Variants in SCN10A observed in about 807,000 individuals in gnomAD.
SCN10A encodes the protein sodium channel protein type 10 subunit alpha.
In SCN10A, 162 loss-of-function variants were observed where a neutral mutation model predicts 170.7. The ratio of observed to expected loss-of-function variants is 0.95; its 90% CI spans 0.84 to 1.08. The LOEUF (loss-of-function observed/expected upper bound fraction) is 1.08. Ranked by LOEUF, SCN10A falls within the 50% of genes least tolerant of loss-of-function variation. SCN10A has a pLI of 0.00. For missense variants in SCN10A, 2,527 were observed against 2,436.9 expected, an observed-to-expected ratio of 1.04 and a Z score of -0.78; for synonymous variants, 985 against 904.6, an observed-to-expected ratio of 1.09 and a Z score of -1.59.
intron 14 of SCN10A, among the ~76,000 whole-genome samples, chr3:38,740,261 T>C (rs926293147): frequency 3.3e-5 from 5 of 152,260 alleles, no homozygotes; most frequent in Non-Finnish European, 7.3e-5. Flanking sequence ...TTTTAGGCTC[T>C]GTGTGTCTCT....
At chr3:38,732,125 T>G (rs1244415559) in intron 15 of SCN10A, among the ~76,000 whole-genome samples, 1 of 152,190 alleles carries the variant, frequency 6.6e-6, no homozygotes, top group Non-Finnish European at 1.5e-5. Context: ...AACAACAATG[T>G]CTTGTGAGAT....
rs112604496 is a variant in SCN10A, at chr3:38,714,325, C to T, written c.3682-245G>A. Among the ~76,000 whole-genome samples the T allele has an allele frequency of 6.7e-3, 1,015 of 152,326 alleles. 8 individuals carry two copies. The highest frequency in any genetic ancestry group is 9.3e-3 in the Non-Finnish European group (634 of 68,020). On this transcript the variant is annotated intron_variant, in intron 21 of 27. Transcript: ENST00000449082. ...AAGAAAAACTCAGTCTCTAACATCA[C>T]CAACCTCTGGTACGTAGGTGGCCAA...
intron 19 of SCN10A, among the ~76,000 whole-genome samples, chr3:38,722,873 T>A (rs1355296137): frequency 6.6e-6 from 1 of 152,172 alleles, no homozygotes; most frequent in Non-Finnish European, 1.5e-5. Flanking sequence ...ATTTAAAAAA[T>A]TTTTCTTTGT....
At chr3:38,698,728 G>A (rs1049113116) in intron 27 of SCN10A, among the ~76,000 whole-genome samples, 166 bp from the exon 28 acceptor site, 2 of 152,084 alleles carry the variant, frequency 1.3e-5, no homozygotes, top group African/African-American at 4.8e-5. Flanking sequence ...CACAAAGTAG[G>A]GGCTCAGTAA....
intron 4 of SCN10A, among the ~76,000 whole-genome samples, chr3:38,787,766 C>T (rs890029734): frequency 1.8e-4 from 28 of 152,110 alleles, no homozygotes; most frequent in African/African-American, 6.5e-4. Context: ...TGGTTTGCTG[C>T]ACCCTTCAAC....
intron 5 of SCN10A, among the ~76,000 whole-genome samples, chr3:38,763,824 G>A (rs2063902697): frequency 1.3e-5 from 2 of 152,206 alleles, no homozygotes. Flanking sequence ...AGGCAACACT[G>A]CATGTGGACG....
Position 38,752,350 on chromosome 3 carries a change from C to T in SCN10A, c.1624G>A (p.Gly542Ser). ...GGGAGGGGGCCTTGCTGGCCAGCAC[C>T]CCCACCCAGCAGCAGAGAGCCCCGA... The part of the protein sequence containing the change: ...SHRGSLLLGG[G>S]AGQQGPLPRS... The change falls in exon 12 of 28, where the codon GGT (glycine) becomes AGT (serine). Residue 542 changes from glycine to serine, a missense_variant. Gly to Ser is a moderately conservative substitution (Grantham distance 56). Coordinates refer to ENST00000449082, the MANE Select transcript of SCN10A (RefSeq NM_006514.4). The T allele has an allele frequency of 6.2e-7, 1 of 1,613,574 alleles. No individual in the cohort carries two copies. The highest frequency in any genetic ancestry group is 1.3e-5 in the African/African-American group (1 of 75,000).
chr3:38,806,935 G>T (rs1007603518), intron 1 of SCN10A, among the ~76,000 whole-genome samples: 3 of 152,110 alleles, frequency 2.0e-5, no homozygotes, highest in Non-Finnish European at 4.4e-5. Flanking sequence ...TGAGGGGATT[G>T]GTCTGGGTGT....
intron 4 of SCN10A, among the ~76,000 whole-genome samples, chr3:38,782,014 A>G (rs894314359): frequency 5.9e-5 from 9 of 152,032 alleles, no homozygotes; most frequent in Non-Finnish European, 1.3e-4. Context: ...TTAGTGTACT[A>G]TTTCTTTAAT....
chr3:38,744,661 A>C (rs2063668868), intron 13 of SCN10A, among the ~76,000 whole-genome samples: 1 of 151,820 alleles, frequency 6.6e-6, no homozygotes, highest in Non-Finnish European at 1.5e-5. Flanking sequence ...CACTTTTTTC[A>C]CTTAAAACTT....
At chr3:38,711,033 A>G in intron 23 of SCN10A, 136 bp from the exon 24 acceptor site, 1 of 693,110 alleles carries the variant, frequency 1.4e-6, no homozygotes, top group Non-Finnish European at 2.5e-6. Flanking sequence ...TGAAAGGAAA[A>G]GTTCCCTTGG....
chr3:38,714,068 T>C lies in SCN10A; in HGVS notation c.3694A>G (p.Ser1232Gly), dbSNP rs745633219. 1.9e-6 allele frequency: 3 copies of C among 1,614,174 alleles called. No homozygotes were observed. In the East Asian group the frequency reaches 6.7e-5, roughly 36 times the overall value. ...TATTCCAGAATCTTCGCTGTGAGAC[T>C]TATCAGTGAGATCTGAGTGCAGGAG... ...DFLIVNISLI[S>G]LTAKILEYSE... The change falls in exon 22 of 28, where the codon AGT becomes GGT. Residue 1232 changes from serine to glycine, a missense_variant. Coordinates refer to ENST00000449082, the MANE Select transcript of SCN10A (RefSeq NM_006514.4).
intron 27 of SCN10A, among the ~76,000 whole-genome samples, chr3:38,701,545 G>A (rs1303400099): frequency 6.6e-6 from 1 of 152,184 alleles, no homozygotes; most frequent in Non-Finnish European, 1.5e-5. Flanking sequence ...TTCTCAGGAG[G>A]AGTGATTATT....
chr3:38,781,123 T>C (rs1044073339), intron 4 of SCN10A, among the ~76,000 whole-genome samples: 5 of 152,126 alleles, frequency 3.3e-5, no homozygotes, highest in African/African-American at 1.2e-4. Context: ...TCTCTTATTC[T>C]ATGCAACAAA....
chr3:38,735,024 G>A (rs1485215706), intron 15 of SCN10A, among the ~76,000 whole-genome samples: 1 of 151,958 alleles, frequency 6.6e-6, no homozygotes, highest in Non-Finnish European at 1.5e-5. Flanking sequence ...CAAAGAATTA[G>A]CCAGGCATGG....
At position 38,755,946 on chromosome 3, in the gene SCN10A, G is replaced by C; in HGVS notation, c.1303C>G (p.Leu435Val). The C allele has an allele frequency of 6.2e-7, 1 of 1,614,178 alleles. No individual in the cohort carries two copies. The highest frequency in any genetic ancestry group is 8.5e-7 in the Non-Finnish European group (1 of 1,180,028). Residue 435 changes from leucine to valine, a missense_variant, in exon 11 of 28, where the codon CTA becomes GTA. Transcript: ENST00000449082. ...LRKEQEVLAA[L>V]GIDTTSLHSH... is the part of the protein sequence containing the mutation. The stretch of plus-strand genomic sequence containing the variant: ...TGGAGAGAGGTTGTGTCAATCCCTA[G>C]TGCTGCTAGCACCTGCGAAGAGAGA...
Position 38,756,734 on chromosome 3 carries a change from T to A in SCN10A, c.1230A>T (p.Glu410Asp). The change falls in exon 10 of 28, where the codon GAA becomes GAT. Residue 410 changes from glutamate (E) to aspartate (D), a missense_variant. Glu to Asp is a conservative substitution (Grantham distance 45). Coordinates refer to ENST00000449082, the MANE Select transcript of SCN10A (RefSeq NM_006514.4). ...GGAACTTCTTCTCCTTTGCTTCAAT[T>A]TCATCAGTGGTTGCCTGGTTCTGCT... ...YEEQNQATTD[E>D]IEAKEKKFQE... The A allele has an allele frequency of 6.2e-7, 1 of 1,614,136 alleles. No individual in the cohort carries two copies.
chr3:38,706,904 A>T (rs570145386), intron 26 of SCN10A, among the ~76,000 whole-genome samples: 2 of 152,088 alleles, frequency 1.3e-5, no homozygotes, highest in African/African-American at 4.8e-5. Flanking sequence ...GATACTGGAG[A>T]TCTACTGCGA....
At chr3:38,709,724 G>A in intron 24 of SCN10A, 109 bp from the exon 25 acceptor site, 1 of 976,930 alleles carries the variant, frequency 1.0e-6, no homozygotes, top group Non-Finnish European at 1.5e-6. Flanking sequence ...TTATCTGGGA[G>A]GTGATCCAAG....
Sources: gnomAD v4.1 joint callset for allele counts (sites outside exome capture counted in the v4.1 genomes callset) on GRCh38, gnomAD v4.1.1 for gene constraint, MANE v1.5 for transcripts, NCBI Gene and HGNC (gene_info 2026-07-23, HGNC 2026-07-21) for gene names.